EDAR: variants seen among roughly 807,000 people sequenced by gnomAD.
EDAR encodes the protein ectodysplasin A receptor.
In EDAR, 38 loss-of-function variants were observed where a neutral mutation model predicts 51.3. That is an observed-to-expected ratio of 0.74 (90% CI 0.57 to 0.97). The LOEUF (loss-of-function observed/expected upper bound fraction) is 0.97. EDAR is among the 50% of genes least tolerant of loss of function. The pLI is 0.00. For missense variants in EDAR, 528 were observed against 595.0 expected, an observed-to-expected ratio of 0.89 and a Z score of 1.17; for synonymous variants, 227 against 242.1, an observed-to-expected ratio of 0.94 and a Z score of 0.58.
At chr2:108,909,134 T>C (rs894999634) in intron 9 of EDAR, among the ~76,000 whole-genome samples, 9 of 152,230 alleles carry the variant, frequency 5.9e-5, no homozygotes, top group Non-Finnish European at 1.2e-4. Context: ...GAAAGCAGTA[T>C]ATATTTTTTC....
At chr2:108,908,806 A>G (rs1319873497) in intron 9 of EDAR, among the ~76,000 whole-genome samples, 1 of 152,180 alleles carries the variant, frequency 6.6e-6, no homozygotes, top group East Asian at 1.9e-4. Context: ...AAAAAGGATT[A>G]TATTTGTTAG....
intron 1 of EDAR, among the ~76,000 whole-genome samples, chr2:108,946,896 C>T (rs72836570): frequency 0.3 from 45,885 of 151,554 alleles, 10,768 homozygotes; most frequent in East Asian, 0.95. Flanking sequence ...CAAATCTCAT[C>T]TTTTTTTTCA....
intron 6 of EDAR, 128 bp downstream of exon 6, chr2:108,912,550 T>G: frequency 1.2e-6 from 1 of 840,788 alleles, no homozygotes; most frequent in Non-Finnish European, 2.0e-6. Context: ...TTCAATTACA[T>G]TAGGGAGGTG....
chr2:108,940,028 T>A (rs963379775), intron 1 of EDAR, among the ~76,000 whole-genome samples: 15 of 152,212 alleles, frequency 9.9e-5, no homozygotes, highest in African/African-American at 3.6e-4. Flanking sequence ...GACACGCTAC[T>A]AGAATCCCAA....
rs1480708419 is a variant in EDAR at position 108,894,500 on chromosome 2, AAT to A, written c.*2405_*2406del. On this transcript the variant is annotated 3_prime_UTR_variant, in exon 12 of 12. Coordinates refer to ENST00000258443, the MANE Select transcript of EDAR (RefSeq NM_022336.4). ...ATTAATGTGTTTATTGAGATTATAA[AAT>A]ATAATAAGTTATATATATACAGAAT... 6.6e-6 allele frequency: 1 copy of A among 152,602 alleles called. No individual in the cohort carries two copies. The highest frequency in any genetic ancestry group is 1.9e-4 in the East Asian group (1 of 5,200). The allele number at this position is 152,602 out of a possible 1,614,324, so 9.5% of individuals were successfully genotyped here.
chr2:108,930,439 C>T (rs943839505), intron 2 of EDAR, among the ~76,000 whole-genome samples, 197 bp from the exon 3 acceptor site: 12 of 152,022 alleles, frequency 7.9e-5, no homozygotes, highest in South Asian at 2.1e-4. Context: ...CACCTGGGCA[C>T]GGCCAGCCCC....
intron 1 of EDAR, among the ~76,000 whole-genome samples, chr2:108,932,363 C>T (rs1356678770): frequency 2.6e-5 from 4 of 151,580 alleles, no homozygotes; most frequent in Non-Finnish European, 5.9e-5. Context: ...CTCGTCTCTA[C>T]TAAAAATACA....
Position 108,896,945 on chromosome 2 carries a change from C to T in EDAR, c.1309G>A (p.Val437Ile), listed in dbSNP as rs144996915. 6 of 1,612,930 alleles carry T rather than the reference C, an allele frequency of 3.7e-6. No individual in the cohort carries two copies. The African/African-American group carries it at 8.0e-5, about 22-fold the overall frequency. The change falls in exon 12 of 12, where the codon GTT becomes ATT. Residue 437 changes from valine to isoleucine, a missense_variant. Coordinates refer to ENST00000258443, the MANE Select transcript of EDAR (RefSeq NM_022336.4). ...LCADILEWAGVVPPASQPHAA... is the reference protein window; with the variant it reads ...LCADILEWAGIVPPASQPHAA... Reference sequence around the variant, plus strand: ...TGTGGCTGGGAGGCAGGTGGCACAACCCCCGCCCACTCCAGTATGTCTGCA... The same window carrying T: ...TGTGGCTGGGAGGCAGGTGGCACAATCCCCGCCCACTCCAGTATGTCTGCA...
intron 1 of EDAR, among the ~76,000 whole-genome samples, chr2:108,977,330 G>A (rs1208512485): frequency 3.3e-5 from 5 of 152,124 alleles, no homozygotes; most frequent in African/African-American, 9.7e-5. Context: ...ATGCAGTGGC[G>A]CGATCTCGGC....
chr2:108,988,134 C>A (rs190336310), intron 1 of EDAR, among the ~76,000 whole-genome samples: 1 of 152,200 alleles, frequency 6.6e-6, no homozygotes. Flanking sequence ...GCCCACTGAC[C>A]GGCATCTGCC....
At chr2:108,910,153 G>A (rs1323212437) in intron 9 of EDAR, among the ~76,000 whole-genome samples, 1 of 152,224 alleles carries the variant, frequency 6.6e-6, no homozygotes, top group South Asian at 2.1e-4. Flanking sequence ...TTGGCTTTAT[G>A]TTCTGCCCTC....
Position 108,896,158 on chromosome 2 carries a change from G to GACAA in EDAR, c.*745_*748dup, listed in dbSNP as rs973957221. On this transcript the variant is annotated 3_prime_UTR_variant, in exon 12 of 12. Coordinates refer to ENST00000258443, the MANE Select transcript of EDAR (RefSeq NM_022336.4). ...GCTACTGCACACATCCAATTGCTTG[G>GACAA]ACAAACACATGCCTTGCATATTGGT... The GACAA allele has an allele frequency of 6.6e-6, 1 of 152,220 alleles. No homozygotes were observed. The highest frequency in any genetic ancestry group is 2.4e-5 in the African/African-American group (1 of 41,440). The allele number at this position is 152,220 out of a possible 1,614,324, so 9.4% of individuals were successfully genotyped here.
At chr2:108,979,441 T>G (rs1461074838) in intron 1 of EDAR, among the ~76,000 whole-genome samples, 4 of 71,142 alleles carry the variant, frequency 5.6e-5, no homozygotes, top group Non-Finnish European at 1.4e-4. Flanking sequence ...TCTCTTTCTC[T>G]CTCTCTGTCT....
At chr2:108,944,870 C>T (rs1156385355) in intron 1 of EDAR, among the ~76,000 whole-genome samples, 1 of 152,186 alleles carries the variant, frequency 6.6e-6, no homozygotes, top group Non-Finnish European at 1.5e-5. Context: ...TCGCCGCCAC[C>T]TGCAGGTCCC....
intron 4 of EDAR, among the ~76,000 whole-genome samples, chr2:108,924,014 C>T (rs751734113): frequency 1.2e-3 from 181 of 152,358 alleles, no homozygotes; most frequent in Admixed American, 4.6e-3. Flanking sequence ...ATGCAGGTGG[C>T]CCTCATGATA....
chr2:108,944,093 T>A (rs953594014), intron 1 of EDAR, among the ~76,000 whole-genome samples: 16 of 152,230 alleles, frequency 1.1e-4, no homozygotes, highest in African/African-American at 3.6e-4. Flanking sequence ...TGTTCCTGTT[T>A]CTGTCTCTGT....
intron 11 of EDAR, among the ~76,000 whole-genome samples, chr2:108,902,961 G>A (rs558507966): frequency 4.6e-4 from 70 of 152,168 alleles, no homozygotes; most frequent in Non-Finnish European, 5.1e-4. Context: ...GAAATAAAAC[G>A]GTCCCATTTG....
In EDAR at chr2:108,929,221, A is replaced by G. The variant is rs142834140; in HGVS notation, c.333T>C (p.Ala111=). Residue 111 remains alanine (A), a synonymous_variant, in exon 4 of 12, where the codon GCT becomes GCC. Coordinates refer to ENST00000258443, the MANE Select transcript of EDAR (RefSeq NM_022336.4). ...VLTPGDMEND[A]ECGPCLPGYY... ...ACCCAGGGAGGCAAGGGCCACACTCAGCGTCATTCTCCATGTCCCCTGGTG... is the reference window on the plus strand; with the variant it reads ...ACCCAGGGAGGCAAGGGCCACACTCGGCGTCATTCTCCATGTCCCCTGGTG... 1.4e-4 allele frequency: 228 copies of G among 1,613,948 alleles called. No homozygotes were observed. Among genetic ancestry groups the G allele is most frequent in the Admixed American group, 3.8e-4 (23 of 60,000 alleles).
intron 5 of EDAR, among the ~76,000 whole-genome samples, chr2:108,914,209 G>A (rs1201603837): frequency 1.3e-5 from 2 of 151,222 alleles, no homozygotes; most frequent in East Asian, 1.9e-4. Flanking sequence ...GCAGTGAGCC[G>A]AGATCACACC....
Sources: gnomAD v4.1 joint callset for allele counts (sites outside exome capture counted in the v4.1 genomes callset) on GRCh38, gnomAD v4.1.1 for gene constraint, MANE v1.5 for transcripts, NCBI Gene and HGNC (gene_info 2026-07-23, HGNC 2026-07-21) for gene names.